The following ZFP36L1 variants were observed in gnomAD, a reference collection of about 807,000 sequenced individuals.
ZFP36L1 encodes the protein mRNA decay activator protein ZFP36L1.
ZFP36L1 carries 4 observed loss-of-function variants against 16.7 expected under a neutral mutation model. That is an observed-to-expected ratio of 0.24 (90% CI 0.12 to 0.55). The LOEUF (loss-of-function observed/expected upper bound fraction) is 0.55. ZFP36L1 is among the 20% of genes least tolerant of loss of function. The probability of loss-of-function intolerance (pLI) is 0.94; values close to 1 mark genes in which losing one functional copy is unlikely to be tolerated. For synonymous variants in ZFP36L1, 220 were observed against 190.8 expected, an observed-to-expected ratio of 1.15 and a Z score of -1.26; for missense variants, 311 against 449.2, an observed-to-expected ratio of 0.69 and a Z score of 2.78.
At chr14:68,793,947 A>G, upstream of ZFP36L1, 1 of 984,554 alleles carries the variant, frequency 1.0e-6, no homozygotes, top group Non-Finnish European at 1.2e-6. Flanking sequence ...GCCGCAAAAA[A>G]AGACCACAAC....
chr14:68,793,006 G>A lies in ZFP36L1; in HGVS notation c.-68C>T, dbSNP rs2140213083. 2 of 1,608,580 alleles carry A rather than the reference G, an allele frequency of 1.2e-6. No individual in the cohort carries two copies. The highest frequency in any genetic ancestry group is 8.5e-7 in the Non-Finnish European group (1 of 1,178,938). On this transcript the variant is annotated 5_prime_UTR_variant, in exon 1 of 2. Transcript: ENST00000439696. ...GCGAAGGTCCCGGTGCGGGGAAGGC[G>A]CAGCCTCTCCTGTCTGGAGTCCCAC...
At position 68,790,265 on chromosome 14, in the gene ZFP36L1, G is replaced by C. The variant is rs200758953; in HGVS notation, c.285C>G (p.Gly95=). 6.2e-7 allele frequency: 1 copy of C among 1,610,428 alleles called. No homozygotes were observed. The change falls in exon 2 of 2, where the codon GGC becomes GGG. Residue 95 remains glycine, a synonymous_variant. Coordinates refer to ENST00000439696, the MANE Select transcript of ZFP36L1 (RefSeq NM_004926.4). ...RFRDRSFSEG[G]ERLLPTQKQP... is the part of the protein sequence containing the mutation. ...GCTTCTGGGTGGGCAGCAGCCGCTCGCCCCCTTCCGAGAAGGAGCGGTCTC... is the reference window on the plus strand; with the variant it reads ...GCTTCTGGGTGGGCAGCAGCCGCTCCCCCCCTTCCGAGAAGGAGCGGTCTC...
In ZFP36L1 at chr14:68,790,229, G is replaced by A. The variant is rs1450778856; in HGVS notation, c.321C>T (p.Gly107=). Residue 107 remains glycine (G), a synonymous_variant, in exon 2 of 2, where the codon GGC becomes GGT. Coordinates refer to ENST00000439696, the MANE Select transcript of ZFP36L1 (RefSeq NM_004926.4). ...RLLPTQKQPG[G]GQVNSSRYKT... ...TGTAGCGGCTGGAGTTGACCTGGCCGCCCCCGGGCTGCTTCTGGGTGGGCA... is the reference window on the plus strand; with the variant it reads ...TGTAGCGGCTGGAGTTGACCTGGCCACCCCCGGGCTGCTTCTGGGTGGGCA... The A allele has an allele frequency of 6.2e-7, 1 of 1,612,374 alleles. No homozygotes were observed. The highest frequency in any genetic ancestry group is 8.5e-7 in the Non-Finnish European group (1 of 1,179,828).
intron 1 of ZFP36L1, among the ~76,000 whole-genome samples, chr14:68,792,075 T>C (rs1895090347): frequency 2.0e-5 from 3 of 152,330 alleles, no homozygotes; most frequent in East Asian, 1.9e-4. Flanking sequence ...ATTCCGAGTT[T>C]AAAACTTGCT....
In ZFP36L1 at chr14:68,793,033, C is replaced by T; in HGVS notation, c.-95G>A. ...AGCCTCTCCTGTCTGGAGTCCCACACGCCAGTTCCCGGCGCCCCTCGCCTT... is the reference window on the plus strand; with the variant it reads ...AGCCTCTCCTGTCTGGAGTCCCACATGCCAGTTCCCGGCGCCCCTCGCCTT... On this transcript the variant is annotated 5_prime_UTR_variant, in exon 1 of 2. The change creates a new upstream start codon in the 5' untranslated region. Coordinates refer to ENST00000439696, the MANE Select transcript of ZFP36L1 (RefSeq NM_004926.4). 1.2e-6 allele frequency: 2 copies of T among 1,600,904 alleles called. No individual in the cohort carries two copies. Among genetic ancestry groups the T allele is most frequent in the Non-Finnish European group, 1.7e-6 (2 of 1,176,502 alleles).
intron 1 of ZFP36L1, among the ~76,000 whole-genome samples, chr14:68,792,657 T>A (rs1342162876): frequency 6.6e-6 from 1 of 152,130 alleles, no homozygotes; most frequent in East Asian, 1.9e-4. Context: ...CTCAAAACCC[T>A]GGCCTCCAGA....
upstream of ZFP36L1, chr14:68,793,394 C>T: frequency 1.0e-6 from 1 of 1,002,618 alleles, no homozygotes. Context: ...CGCCCCCTCT[C>T]CGGGGCCGCG....
At position 68,790,385 on chromosome 14, in the gene ZFP36L1, G is replaced by A; in HGVS notation, c.165C>T (p.Val55=). 6.2e-7 allele frequency: 1 copy of A among 1,613,740 alleles called. No individual in the cohort carries two copies. The highest frequency in any genetic ancestry group is 1.7e-5 in the Admixed American group (1 of 60,002). The part of the protein sequence containing the change: ...AGGGFPRRHS[V]TLPSSKFHQN... Reference sequence around the variant, plus strand: ...GGTGGAACTTGGAGCTGGGCAGGGTGACTGAGTGCCTCCGAGGGAAGCCCC... The same window carrying A: ...GGTGGAACTTGGAGCTGGGCAGGGTAACTGAGTGCCTCCGAGGGAAGCCCC... The change falls in exon 2 of 2, where the codon GTC becomes GTT. Residue 55 remains valine, a synonymous_variant. Transcript: ENST00000439696.
upstream of ZFP36L1, chr14:68,793,699 G>C: frequency 1.1e-5 from 11 of 985,538 alleles, no homozygotes; most frequent in Non-Finnish European, 1.3e-5. Context: ...AAACCGGGCA[G>C]GCCGAGGACA....
intron 1 of ZFP36L1, among the ~76,000 whole-genome samples, chr14:68,792,573 A>G (rs1168797164): frequency 1.3e-5 from 2 of 152,154 alleles, no homozygotes; most frequent in East Asian, 1.9e-4. Context: ...GTAAAACAGG[A>G]TCGCCCAAAA....
intron 1 of ZFP36L1, among the ~76,000 whole-genome samples, chr14:68,792,584 C>T: frequency 6.6e-6 from 1 of 152,232 alleles, no homozygotes; most frequent in African/African-American, 2.4e-5. Flanking sequence ...TCGCCCAAAA[C>T]TTGTCCCAAT....
upstream of ZFP36L1, chr14:68,793,343 A>G (rs1895161252): frequency 5.0e-6 from 5 of 1,009,660 alleles, no homozygotes; most frequent in South Asian, 3.8e-5. Context: ...TTTAAGAGGA[A>G]AAGTTTCAAG....
In ZFP36L1 at chr14:68,790,503, A is replaced by AAG. The variant is rs573395057; in HGVS notation, c.58-13_58-12dup. 200 of 1,613,696 alleles carry AAG rather than the reference A, an allele frequency of 1.2e-4. 2 individuals carry two copies. In the Admixed American group the frequency reaches 3.3e-3, roughly 27 times the overall value. ...GAGCATCTTGTTACCCTGGAGAGAGAAGAGAAAGGATGGTAAGGACAGAGG... is the reference window on the plus strand; with the variant it reads ...GAGCATCTTGTTACCCTGGAGAGAGAAGAGAGAAAGGATGGTAAGGACAGAGG... On this transcript the variant is annotated splice_polypyrimidine_tract_variant and intron_variant, in intron 1 of 1. Transcript: ENST00000439696.
intron 1 of ZFP36L1, among the ~76,000 whole-genome samples, chr14:68,791,718 G>A (rs1214951454): frequency 6.6e-6 from 1 of 152,108 alleles, no homozygotes; most frequent in Non-Finnish European, 1.5e-5. Flanking sequence ...AAAGAAGGAA[G>A]AAATGTTGGG....
upstream of ZFP36L1, chr14:68,793,586 GCCGCGGTTT>G: frequency 1.0e-6 from 1 of 985,914 alleles, no homozygotes; most frequent in South Asian, 4.7e-5. Context: ...TAGCGCCCGG[GCCGCGGTTT>G]CCATCTTGAG....
intron 1 of ZFP36L1, 113 bp downstream of exon 1, chr14:68,792,769 C>A (rs908913608): frequency 2.8e-6 from 4 of 1,429,448 alleles, no homozygotes; most frequent in Non-Finnish European, 3.9e-6. Flanking sequence ...AGAAAAGAAT[C>A]ATCTCGCTGC....
intron 1 of ZFP36L1, chr14:68,791,313 T>TG: frequency 2.0e-6 from 1 of 500,498 alleles, no homozygotes; most frequent in Non-Finnish European, 3.5e-6. Context: ...AAGCTGCAGA[T>TG]GGAAAGGAAA....
At position 68,788,018 on chromosome 14, in the gene ZFP36L1, C is replaced by T. The variant is rs962615336; in HGVS notation, c.*1515G>A. ...CAGAACTTTTACATACATTCTCAGT[C>T]CTAGTTGTGAAAGGCCTAAAGAGAA... On this transcript the variant is annotated 3_prime_UTR_variant, in exon 2 of 2. Transcript: ENST00000439696. The T allele has an allele frequency of 6.6e-6, 1 of 151,856 alleles. No individual in the cohort carries two copies. Among genetic ancestry groups the T allele is most frequent in the Non-Finnish European group, 1.5e-5 (1 of 67,940 alleles). The allele number at this position is 151,856 out of a possible 1,614,324, so 9.4% of individuals were successfully genotyped here.
Position 68,790,453 on chromosome 14 carries a change from C to A in ZFP36L1, c.97G>T (p.Gly33Cys), listed in dbSNP as rs2140209742. Residue 33 changes from glycine to cysteine, a missense_variant, in exon 2 of 2, where the codon GGT becomes TGT. This residue lies in a region of ZFP36L1 where 137 missense variants were observed against 142.6 expected (regional missense o/e 0.96). Transcript: ENST00000439696. The part of the protein sequence containing the change: ...MLNYSAPSAG[G>C]CLLDRKAVGT... ...ACTGCCTTTCTGTCCAGCAGGCAAC[C>A]CCCTGCACTGGGAGCACTATAGTTG... 1.2e-6 allele frequency: 2 copies of A among 1,614,092 alleles called. No individual in the cohort carries two copies. The highest frequency in any genetic ancestry group is 4.5e-5 in the East Asian group (2 of 44,888).
Sources: gnomAD v4.1 joint callset for allele counts (sites outside exome capture counted in the v4.1 genomes callset) on GRCh38, gnomAD v4.1.1 for gene constraint, gnomAD v4.1.1 regional missense constraint, MANE v1.5 for transcripts, NCBI Gene and HGNC (gene_info 2026-07-23, HGNC 2026-07-21) for gene names.